Variants in SH3BGRL2 observed in about 807,000 individuals in gnomAD.
SH3BGRL2 encodes SH3 domain-binding glutamic acid-rich-like protein 2.
SH3BGRL2 carries 21 observed loss-of-function variants against 14.8 expected under a neutral mutation model. The observed-to-expected ratio is 1.42, with a 90% CI of 1.01 to 2.05. The LOEUF is 2.05. Among genes scored for constraint, SH3BGRL2 ranks in the 30% most tolerant of loss-of-function variants. SH3BGRL2 has a pLI of 0.00. For missense variants in SH3BGRL2, 147 were observed against 130.8 expected, an observed-to-expected ratio of 1.12 and a Z score of -0.61; for synonymous variants, 50 against 47.8, an observed-to-expected ratio of 1.05 and a Z score of -0.19.
At chr6:79,666,012 T>A (rs1030517128) in intron 1 of SH3BGRL2, among the ~76,000 whole-genome samples, 3 of 152,182 alleles carry the variant, frequency 2.0e-5, no homozygotes, top group Admixed American at 2.0e-4. Flanking sequence ...AAATGGCTTC[T>A]TGGGGGTTAC....
the SH3BGRL2 span, among the ~76,000 whole-genome samples, chr6:79,554,944 C>A: frequency 1.3e-5 from 2 of 151,306 alleles, no homozygotes; most frequent in Non-Finnish European, 1.5e-5. Context: ...TACAGATATT[C>A]TTATTTATAT....
chr6:79,647,117 A>G (rs1179908568), intron 1 of SH3BGRL2, among the ~76,000 whole-genome samples: 3 of 152,246 alleles, frequency 2.0e-5, no homozygotes. Flanking sequence ...GAACTGCCAA[A>G]CTGTTTTCCA....
chr6:79,662,658 T>A (rs1769576455), intron 1 of SH3BGRL2, among the ~76,000 whole-genome samples: 1 of 152,218 alleles, frequency 6.6e-6, no homozygotes, highest in South Asian at 2.1e-4. Context: ...ATCTTTGTTG[T>A]GTTCTCTGTG....
At chr6:79,636,458 A>C (rs551787554) in intron 1 of SH3BGRL2, among the ~76,000 whole-genome samples, 21 of 152,284 alleles carry the variant, frequency 1.4e-4, no homozygotes, top group African/African-American at 4.8e-4. Flanking sequence ...TTGGGAGCAT[A>C]CAAGTGATCA....
chr6:79,614,676 C>A, the SH3BGRL2 span, among the ~76,000 whole-genome samples: 1 of 152,192 alleles, frequency 6.6e-6, no homozygotes, highest in African/African-American at 2.4e-5. Flanking sequence ...TTGAAGCCCT[C>A]ACCCCTAATT....
chr6:79,606,460 A>G, the SH3BGRL2 span, among the ~76,000 whole-genome samples: 3 of 152,236 alleles, frequency 2.0e-5, no homozygotes, highest in Non-Finnish European at 4.4e-5. Flanking sequence ...TACTATGGTG[A>G]ACACTGCTGG....
intron 1 of SH3BGRL2, among the ~76,000 whole-genome samples, chr6:79,649,593 T>G (rs1769239991): frequency 6.6e-6 from 1 of 152,146 alleles, no homozygotes; most frequent in Non-Finnish European, 1.5e-5. Context: ...ACTTACAGAC[T>G]TTCTTTTCCC....
intron 1 of SH3BGRL2, among the ~76,000 whole-genome samples, chr6:79,644,863 A>G (rs1355284428): frequency 1.3e-5 from 2 of 152,138 alleles, no homozygotes; most frequent in Non-Finnish European, 2.9e-5. Flanking sequence ...ATAATCAGAT[A>G]ATAGGTCCTG....
chr6:79,681,699 A>G (rs1182279698), intron 2 of SH3BGRL2, among the ~76,000 whole-genome samples: 1 of 152,206 alleles, frequency 6.6e-6, no homozygotes, highest in Non-Finnish European at 1.5e-5. Context: ...TGCAGTGTTT[A>G]TGTAAGACTT....
chr6:79,648,535 T>G (rs1452653715), intron 1 of SH3BGRL2, among the ~76,000 whole-genome samples: 1 of 151,528 alleles, frequency 6.6e-6, no homozygotes, highest in Non-Finnish European at 1.5e-5. Flanking sequence ...CCCTCCAAAC[T>G]GAGAGATTTT....
chr6:79,583,025 G>GA, the SH3BGRL2 span, among the ~76,000 whole-genome samples: 7 of 152,232 alleles, frequency 4.6e-5, no homozygotes, highest in East Asian at 7.7e-4. Flanking sequence ...AACAGACACA[G>GA]AAAAAATGCT....
At chr6:79,553,318 C>T in the SH3BGRL2 span, among the ~76,000 whole-genome samples, 19 of 152,266 alleles carry the variant, frequency 1.2e-4, no homozygotes, top group Admixed American at 1.2e-3. Flanking sequence ...TTTGCAAAGA[C>T]TGGATTCCAG....
rs1290608799 is a variant in SH3BGRL2, at chr6:79,699,000, G to A, written c.313-498G>A. On this transcript the variant is annotated intron_variant, in intron 3 of 3. Transcript: ENST00000369838. Reference sequence around the variant, plus strand: ...GTCAACACTGGGTGCTGACTGGCCAGAGCTTGAGCAGGCCACAGAGGCCCC... The same window carrying A: ...GTCAACACTGGGTGCTGACTGGCCAAAGCTTGAGCAGGCCACAGAGGCCCC... Among the ~76,000 whole-genome samples, 3 of 152,042 alleles carry A rather than the reference G, an allele frequency of 2.0e-5. No individual in the cohort carries two copies. In the East Asian group the frequency reaches 5.8e-4, roughly 29 times the overall value.
intron 1 of SH3BGRL2, among the ~76,000 whole-genome samples, chr6:79,657,465 G>A (rs1192263521): frequency 6.6e-6 from 1 of 152,148 alleles, no homozygotes; most frequent in Non-Finnish European, 1.5e-5. Context: ...TGTAGCTGGT[G>A]GTGGAGGAGT....
chr6:79,698,052 T>C (rs541546754), intron 3 of SH3BGRL2, among the ~76,000 whole-genome samples: 53 of 152,326 alleles, frequency 3.5e-4, no homozygotes, highest in Admixed American at 8.5e-4. Context: ...AAAGTTGATC[T>C]TGGTGTCACT....
chr6:79,695,740 A>G (rs981703635), intron 2 of SH3BGRL2, among the ~76,000 whole-genome samples: 33 of 152,348 alleles, frequency 2.2e-4, no homozygotes, highest in East Asian at 7.7e-4. Flanking sequence ...AATGATTGTG[A>G]TCATCATTTG....
chr6:79,616,748 G>T, the SH3BGRL2 span, among the ~76,000 whole-genome samples: 5 of 152,204 alleles, frequency 3.3e-5, no homozygotes, highest in African/African-American at 1.2e-4. Context: ...TCAGGGGTAG[G>T]ACAAGATGAC....
chr6:79,547,166 G>A, the SH3BGRL2 span, among the ~76,000 whole-genome samples: 3 of 152,094 alleles, frequency 2.0e-5, no homozygotes, highest in Non-Finnish European at 4.4e-5. Flanking sequence ...GTATGCCTGA[G>A]AAGAGGATAA....
chr6:79,591,285 A>G, the SH3BGRL2 span, among the ~76,000 whole-genome samples: 1 of 152,270 alleles, frequency 6.6e-6, no homozygotes, highest in Admixed American at 6.5e-5. Flanking sequence ...ATTATCAACA[A>G]TCTTTTTGTT....
Sources: gnomAD v4.1 joint callset for allele counts (sites outside exome capture counted in the v4.1 genomes callset) on GRCh38, gnomAD v4.1.1 for gene constraint, MANE v1.5 for transcripts, NCBI Gene and HGNC (gene_info 2026-07-23, HGNC 2026-07-21) for gene names.